The following RANBP2 variants were observed in gnomAD, a reference collection of about 807,000 sequenced individuals.
The protein encoded by RANBP2 is E3 SUMO-protein ligase RanBP2.
Under a neutral mutation model 303.6 loss-of-function variants are expected in RANBP2, and 57 were observed. That is an observed-to-expected ratio of 0.19 (90% CI 0.15 to 0.23). RANBP2 has a LOEUF of 0.23. RANBP2 is among the 10% of genes least tolerant of loss of function. The pLI is 1.00. For missense variants in RANBP2, 3,138 were observed against 3,780.8 expected (o/e 0.83, Z 4.46); for synonymous variants, 1,167 against 1,301.5 (o/e 0.90, Z 2.23).
the RANBP2 span, among the ~76,000 whole-genome samples, chr2:109,019,199 A>G: frequency 6.6e-6 from 1 of 152,230 alleles, no homozygotes; most frequent in South Asian, 2.1e-4. Context: ...TCCCCATTTG[A>G]AAATGGGAAC....
chr2:109,038,206 C>T, the RANBP2 span, among the ~76,000 whole-genome samples: 2 of 152,212 alleles, frequency 1.3e-5, no homozygotes, highest in Non-Finnish European at 2.9e-5. Flanking sequence ...TTTCAATAAA[C>T]AGTTCTGGAG....
chr2:109,695,709 G>T, the RANBP2 span, among the ~76,000 whole-genome samples: 1 of 152,172 alleles, frequency 6.6e-6, no homozygotes, highest in Non-Finnish European at 1.5e-5. Context: ...TGGAGCACTG[G>T]CACCTGCTTC....
rs1415257790 is a variant in RANBP2 at position 108,752,988 on chromosome 2, T to C, written c.1756-10T>C. 2.7e-5 allele frequency: 44 copies of C among 1,607,742 alleles called. No individual in the cohort carries two copies. The highest frequency in any genetic ancestry group is 1.4e-4 in the Admixed American group (8 of 59,236). ...CCTTAAAGTTGTGTGCTTTTAACTT[T>C]CTTTTTTAGGGCAGCGGTCTTAATT... On this transcript the variant is annotated splice_polypyrimidine_tract_variant and intron_variant, in intron 12 of 28. Transcript: ENST00000283195.
intron 20 of RANBP2, 99 bp downstream of exon 20, chr2:108,768,487 G>A (rs1677270639): frequency 6.3e-7 from 1 of 1,593,586 alleles, no homozygotes; most frequent in African/African-American, 1.3e-5. Context: ...GGATATAAAT[G>A]ATGCTTTGTG....
chr2:109,056,405 G>A, the RANBP2 span, among the ~76,000 whole-genome samples: 1 of 152,022 alleles, frequency 6.6e-6, no homozygotes, highest in Non-Finnish European at 1.5e-5. Flanking sequence ...CTGGCATTAA[G>A]TGTTCCTCCC....
the RANBP2 span, among the ~76,000 whole-genome samples, chr2:109,652,676 T>C: frequency 6.6e-6 from 1 of 152,126 alleles, no homozygotes; most frequent in African/African-American, 2.4e-5. Context: ...GGAGGCAACT[T>C]GAGTTACCTA....
the RANBP2 span, among the ~76,000 whole-genome samples, chr2:109,316,960 T>C: frequency 2.0e-5 from 3 of 152,194 alleles, no homozygotes; most frequent in Admixed American, 2.0e-4. Context: ...GGTTCCTCCA[T>C]GTCTTTTCAT....
intron 7 of RANBP2, among the ~76,000 whole-genome samples, chr2:108,741,434 G>T (rs1696079354): frequency 6.9e-6 from 1 of 145,478 alleles, no homozygotes; most frequent in Non-Finnish European, 1.5e-5. Context: ...TTGACCTCGT[G>T]ATCTGCCTGC....
At chr2:109,664,930 A>T in the RANBP2 span, among the ~76,000 whole-genome samples, 1 of 144,986 alleles carries the variant, frequency 6.9e-6, no homozygotes, top group East Asian at 2.0e-4. Context: ...AATTCTGTCT[A>T]AAAAAAAAAA....
At chr2:109,489,398 A>G in the RANBP2 span, among the ~76,000 whole-genome samples, 2 of 152,238 alleles carry the variant, frequency 1.3e-5, no homozygotes, top group Non-Finnish European at 2.9e-5. Flanking sequence ...GGGCCGGAGC[A>G]GTTGTGCTCT....
chr2:109,684,354 C>T, the RANBP2 span, among the ~76,000 whole-genome samples: 1 of 150,462 alleles, frequency 6.6e-6, no homozygotes, highest in South Asian at 2.1e-4. Flanking sequence ...CCATTTTCTG[C>T]CTCAGTCTCC....
At chr2:109,257,849 C>T in the RANBP2 span, among the ~76,000 whole-genome samples, 2 of 152,134 alleles carry the variant, frequency 1.3e-5, no homozygotes, top group African/African-American at 4.8e-5. Context: ...CCCACTTTCC[C>T]AGTGAGTCAC....
At chr2:109,375,199 G>A in the RANBP2 span, among the ~76,000 whole-genome samples, 5 of 152,362 alleles carry the variant, frequency 3.3e-5, no homozygotes, top group African/African-American at 7.2e-5. Flanking sequence ...TGTGCTCACC[G>A]GAGATACCTC....
At chr2:109,565,803 C>G in the RANBP2 span, 2 of 1,614,106 alleles carry the variant, frequency 1.2e-6, no homozygotes, top group East Asian at 4.5e-5. Flanking sequence ...CTTTGACCAT[C>G]TTGTTTCCGA....
the RANBP2 span, among the ~76,000 whole-genome samples, chr2:109,101,444 G>A: frequency 6.7e-3 from 1,011 of 152,024 alleles, 14 homozygotes; most frequent in African/African-American, 0.023. Flanking sequence ...GGAGAATGGC[G>A]GGAACTCGGG....
chr2:109,299,713 TAAAG>T, the RANBP2 span, among the ~76,000 whole-genome samples: 7 of 152,202 alleles, frequency 4.6e-5, no homozygotes, highest in Admixed American at 2.6e-4. Context: ...ATCAGGGGGA[TAAAG>T]AAAGAGAATC....
chr2:109,557,971 T>C, the RANBP2 span, among the ~76,000 whole-genome samples: 1 of 152,002 alleles, frequency 6.6e-6, no homozygotes, highest in South Asian at 2.1e-4. Flanking sequence ...TTCTGTATTC[T>C]TTGTAGAGAC....
chr2:109,016,660 G>A, the RANBP2 span, among the ~76,000 whole-genome samples: 4 of 152,234 alleles, frequency 2.6e-5, no homozygotes, highest in East Asian at 7.7e-4. Flanking sequence ...GAGACATTGA[G>A]GCAGGGAGGC....
chr2:108,728,216 G>A lies in RANBP2; in HGVS notation c.73-916G>A, dbSNP rs189942362. On this transcript the variant is annotated intron_variant, in intron 1 of 28. Coordinates refer to ENST00000283195, the MANE Select transcript of RANBP2 (RefSeq NM_006267.5). ...TTAAGTGAGAGAGTGGTACCACAGG[G>A]TTTCCAAGATTTCCAAGGCTGATGA... is the stretch of plus-strand genomic sequence containing the variant. Among the ~76,000 whole-genome samples, 486 of 152,220 alleles carry A rather than the reference G, an allele frequency of 3.2e-3. 2 individuals carry two copies. The highest frequency in any genetic ancestry group is 0.011 in the African/African-American group (444 of 41,514).
Sources: gnomAD v4.1 joint callset for allele counts (sites outside exome capture counted in the v4.1 genomes callset) on GRCh38, gnomAD v4.1.1 for gene constraint, MANE v1.5 for transcripts, NCBI Gene and HGNC (gene_info 2026-07-23, HGNC 2026-07-21) for gene names.